Variants in BLVRA observed in about 807,000 individuals in gnomAD.
BLVRA encodes the protein BVR A.
In BLVRA, 22 loss-of-function variants were observed where a neutral mutation model predicts 32.8. The observed-to-expected ratio is 0.67, with a 90% confidence interval of 0.48 to 0.96. The LOEUF is 0.96. Ranked by LOEUF, BLVRA falls within the 40% of genes least tolerant of loss-of-function variation. The pLI is 0.00. For synonymous variants in BLVRA, 119 were observed against 141.3 expected (o/e 0.84, Z 1.12); for missense variants, 323 against 358.1 (o/e 0.90, Z 0.79).
At chr7:43,773,728 G>T (rs2095757255) in intron 2 of BLVRA, among the ~76,000 whole-genome samples, 1 of 152,152 alleles carries the variant, frequency 6.6e-6, no homozygotes, top group Non-Finnish European at 1.5e-5. Flanking sequence ...ACTTCCACAA[G>T]GGTTGAACTA....
rs776275176 is a variant in BLVRA, at chr7:43,791,321, G to T, written c.207G>T (p.Glu69Asp). Reference protein sequence around the residue: ...LEDALSSQEVEVAYICSESSS... With the variant: ...LEDALSSQEVDVAYICSESSS... Reference sequence around the variant, plus strand: ...ATGCTCTTTCCAGCCAAGAGGTGGAGGTCGCCTATATCTGCAGTGAGAGCT... The same window carrying T: ...ATGCTCTTTCCAGCCAAGAGGTGGATGTCGCCTATATCTGCAGTGAGAGCT... Residue 69 changes from glutamate to aspartate, a missense_variant, in exon 4 of 8, where the codon GAG (glutamate) becomes GAT (aspartate). Physicochemically the swap from Glu to Asp is conservative, Grantham distance 45. Coordinates refer to ENST00000265523, the MANE Select transcript of BLVRA (RefSeq NM_000712.4). 1 of 1,614,194 alleles carries T rather than the reference G, an allele frequency of 6.2e-7. No homozygotes were observed. Among genetic ancestry groups the T allele is most frequent in the South Asian group, 1.1e-5 (1 of 91,084 alleles).
rs138732080 is a variant in BLVRA at position 43,773,332 on chromosome 7, C to T, written c.12+2162C>T. Among the ~76,000 whole-genome samples the T allele has an allele frequency of 1.1e-3, 173 of 151,594 alleles. 3 individuals carry two copies. In the East Asian group the frequency reaches 0.029, roughly 26 times the overall value. On this transcript the variant is annotated intron_variant, in intron 2 of 7. Transcript: ENST00000265523. ...GTCCCCGGAGTTCGATGTTCCCCTT[C>T]CTGTGTCCATGTGTTCTCATTGTTC...
At chr7:43,765,835 T>C (rs1464038161) in intron 1 of BLVRA, among the ~76,000 whole-genome samples, 1 of 152,148 alleles carries the variant, frequency 6.6e-6, no homozygotes, top group Non-Finnish European at 1.5e-5. Context: ...AATAACTGTA[T>C]TCATAAAAAT....
At chr7:43,792,946 C>G (rs926480106) in intron 5 of BLVRA, 134 bp downstream of exon 5, 5 of 838,762 alleles carry the variant, frequency 6.0e-6, no homozygotes, top group Middle Eastern at 3.1e-4. Context: ...ACTGCCTCCT[C>G]ACCCCCACAC....
chr7:43,771,141 C>A lies in BLVRA; in HGVS notation c.-18C>A. On this transcript the variant is annotated 5_prime_UTR_variant, in exon 2 of 8. Transcript: ENST00000265523. Reference sequence around the variant, plus strand: ...ACCTCTGCTTTTGTCTTTACAGTGACCGAAGGAAGAGACCAAGATGAATGC... The same window carrying A: ...ACCTCTGCTTTTGTCTTTACAGTGAACGAAGGAAGAGACCAAGATGAATGC... The A allele has an allele frequency of 6.2e-7, 1 of 1,614,004 alleles. No homozygotes were observed. Among genetic ancestry groups the A allele is most frequent in the Non-Finnish European group, 8.5e-7 (1 of 1,179,880 alleles).
chr7:43,789,339 C>T (rs569048609), intron 3 of BLVRA, among the ~76,000 whole-genome samples: 4 of 152,126 alleles, frequency 2.6e-5, no homozygotes, highest in African/African-American at 7.2e-5. Context: ...CATCCTCTTC[C>T]GGCCTGTCTC....
intron 1 of BLVRA, among the ~76,000 whole-genome samples, chr7:43,766,290 G>GAAA (rs56186712): frequency 2.7e-4 from 25 of 93,880 alleles, no homozygotes; most frequent in Admixed American, 1.0e-3. Flanking sequence ...CTGTCTCAGG[G>GAAA]AAAAAAAAAA....
chr7:43,791,492 G>A, intron 4 of BLVRA, 124 bp downstream of exon 4: 1 of 1,039,424 alleles, frequency 9.6e-7, no homozygotes, highest in Non-Finnish European at 1.5e-6. Context: ...CAATTGCTCT[G>A]TGACCAATCA....
rs1456081747 is a variant in BLVRA at position 43,758,744 on chromosome 7, GC to G, written c.-22+11del. 1 of 152,034 alleles carries G rather than the reference GC, an allele frequency of 6.6e-6. No homozygotes were observed. Among genetic ancestry groups the G allele is most frequent in the Non-Finnish European group, 1.5e-5 (1 of 68,046 alleles). 9.4% of individuals were successfully genotyped at this position (152,034 alleles called of 1,614,324 possible). A position where few individuals can be genotyped will look rare whatever the true frequency, so the allele number is the denominator to read the frequency against. ...GCGGTGCCCGCGTCAGGTGAGGCGC[GC>G]GCGGGGAACGGGGGTCGCGCGCAGG... On this transcript the variant is annotated intron_variant, in intron 1 of 7. Coordinates refer to ENST00000265523, the MANE Select transcript of BLVRA (RefSeq NM_000712.4).
At chr7:43,797,348 A>C (rs2095793925) in intron 5 of BLVRA, among the ~76,000 whole-genome samples, 1 of 152,266 alleles carries the variant, frequency 6.6e-6, no homozygotes, top group Non-Finnish European at 1.5e-5. Flanking sequence ...TGAGCCTCCC[A>C]AAGTGCTGGA....
chr7:43,801,424 C>T (rs2132594053), intron 6 of BLVRA, among the ~76,000 whole-genome samples: 1 of 152,308 alleles, frequency 6.6e-6, no homozygotes, highest in South Asian at 2.1e-4. Context: ...GGATGGGCTC[C>T]TTCTCTGGCC....
chr7:43,771,480 T>C (rs1483664875), intron 2 of BLVRA, among the ~76,000 whole-genome samples: 1 of 152,254 alleles, frequency 6.6e-6, no homozygotes, highest in Non-Finnish European at 1.5e-5. Flanking sequence ...TGTGTTATTC[T>C]GGAAACACTT....
At chr7:43,781,654 G>A (rs1222983954) in intron 2 of BLVRA, among the ~76,000 whole-genome samples, 1 of 152,094 alleles carries the variant, frequency 6.6e-6, no homozygotes, top group African/African-American at 2.4e-5. Context: ...TACTTTTAAT[G>A]TACATAATTG....
chr7:43,790,742 G>A (rs1459532166), intron 3 of BLVRA, among the ~76,000 whole-genome samples: 2 of 151,960 alleles, frequency 1.3e-5, no homozygotes, highest in African/African-American at 2.4e-5. Context: ...GTGCAATCTC[G>A]GCTCACTGCA....
At position 43,789,252 on chromosome 7, in the gene BLVRA, A is replaced by G. The variant is rs143629613; in HGVS notation, c.134+1227A>G. ...TTTTCTAGTGCTTTAGAGACATCAG[A>G]TAAATATTTACACAAAGCATAAGTA... On this transcript the variant is annotated intron_variant, in intron 3 of 7. Transcript: ENST00000265523. 1.4e-4 allele frequency among the ~76,000 whole-genome samples: 21 copies of G among 152,342 alleles called. No homozygotes were observed. The East Asian group carries it at 3.9e-3, about 28-fold the overall frequency.
intron 1 of BLVRA, among the ~76,000 whole-genome samples, chr7:43,766,659 T>G (rs1224139491): frequency 6.6e-6 from 1 of 152,186 alleles, no homozygotes; most frequent in East Asian, 1.9e-4. Context: ...TCGCTTGGCC[T>G]GGGATTGCTG....
upstream of BLVRA, among the ~76,000 whole-genome samples, chr7:43,758,364 G>T (rs1412119943): frequency 6.6e-6 from 1 of 151,684 alleles, no homozygotes; most frequent in African/African-American, 2.4e-5. Flanking sequence ...CACACCGTGA[G>T]GGGGCCAGGC....
chr7:43,796,133 AAAAAGAAAAG>A (rs915075501), intron 5 of BLVRA, among the ~76,000 whole-genome samples: 4 of 151,274 alleles, frequency 2.6e-5, no homozygotes, highest in Non-Finnish European at 5.9e-5. Context: ...AAAAAAAAAA[AAAAAGAAAAG>A]AAAAGAAAAG....
At chr7:43,801,145 G>A (rs148734586) in intron 6 of BLVRA, among the ~76,000 whole-genome samples, 5 of 152,180 alleles carry the variant, frequency 3.3e-5, no homozygotes, top group Admixed American at 6.5e-5. Context: ...AAACACAGAT[G>A]TGCGCCACAA....
Sources: allele counts gnomAD v4.1 joint callset (sites outside exome capture counted in the v4.1 genomes callset), GRCh38; gene constraint gnomAD v4.1.1; transcripts MANE v1.5; gene names NCBI Gene and HGNC (gene_info 2026-07-23, HGNC 2026-07-21).